The following USP29 variants were observed in gnomAD, a reference collection of about 807,000 sequenced individuals.
The protein encoded by USP29 is ubiquitin specific peptidase 29.
For missense variants in USP29, 1,102 were observed against 1,069.0 expected, an observed-to-expected ratio of 1.03 and a Z score of -0.43; for synonymous variants, 386 against 387.4, an observed-to-expected ratio of 1.00 and a Z score of 0.04.
chr19:57,126,224 G>A (rs28796125), intron 3 of USP29, among the ~76,000 whole-genome samples: 12,192 of 152,002 alleles, frequency 0.08, 535 homozygotes, highest in East Asian at 0.16. Context: ...AGAATCTGAC[G>A]ATTATGTGTC....
rs770258559 is a variant in USP29, at chr19:57,128,866, A to G, written c.191A>G (p.His64Arg). ...SNNIRSVVLR[H>R]CKKRQSHLRL... is the part of the protein sequence containing the mutation. ...AACATTAGAAGTGTGGTCCTTAGAC[A>G]TTGTAAAAAAAGACAAAGTCACCTG... The change falls in exon 4 of 4, where the codon CAT becomes CGT. Residue 64 changes from histidine to arginine, a missense_variant. Coordinates refer to ENST00000254181, the MANE Select transcript of USP29 (RefSeq NM_020903.3). The G allele has an allele frequency of 3.7e-6, 6 of 1,612,916 alleles. No individual in the cohort carries two copies. Among genetic ancestry groups the G allele is most frequent in the Admixed American group, 1.7e-5 (1 of 59,786 alleles).
chr19:57,128,814 T>C lies in USP29; in HGVS notation c.139T>C (p.Phe47Leu). 2 of 1,613,858 alleles carry C rather than the reference T, an allele frequency of 1.2e-6. No homozygotes were observed. Among genetic ancestry groups the C allele is most frequent in the Non-Finnish European group, 1.7e-6 (2 of 1,179,952 alleles). ...KLVVTFKSGK[F>L]IRIFQLSNNI... The stretch of plus-strand genomic sequence containing the variant: ...GGTGGTCACTTTCAAATCTGGAAAA[T>C]TTATAAGAATTTTTCAGCTGAGCAA... Residue 47 changes from phenylalanine (F) to leucine (L), a missense_variant, in exon 4 of 4, where the codon TTT becomes CTT. Physicochemically the swap from Phe to Leu is conservative, Grantham distance 22 (BLOSUM62 0). Coordinates refer to ENST00000254181, the MANE Select transcript of USP29 (RefSeq NM_020903.3).
Position 57,129,350 on chromosome 19 carries a change from G to A in USP29, c.675G>A (p.Gly225=), listed in dbSNP as rs781370761. The change falls in exon 4 of 4, where the codon GGG becomes GGA. Residue 225 remains glycine (G), a synonymous_variant. Transcript: ENST00000254181. ...DLEKDRDLKL[G]PSFNTNCNGN... ...AAAAAGATAGAGATTTGAAACTCGG[G>A]CCTTCATTCAATACCAACTGTAATG... 3.7e-6 allele frequency: 6 copies of A among 1,614,142 alleles called. No homozygotes were observed. Among genetic ancestry groups the A allele is most frequent in the Non-Finnish European group, 4.2e-6 (5 of 1,180,024 alleles).
In USP29 at chr19:57,129,269, T is replaced by C. The variant is rs1211373230; in HGVS notation, c.594T>C (p.Asp198=). Residue 198 remains aspartate (D), a synonymous_variant, in exon 4 of 4, where the codon GAT becomes GAC. Transcript: ENST00000254181. ...NPVPNKKYKT[D]SLKYIQSNRK... ...TACCAAACAAGAAATATAAGACAGA[T>C]TCCTTGAAATATATACAAAGCAATA... 2 of 1,613,114 alleles carry C rather than the reference T, an allele frequency of 1.2e-6. No homozygotes were observed. Among genetic ancestry groups the C allele is most frequent in the South Asian group, 1.1e-5 (1 of 90,856 alleles).
upstream of USP29, among the ~76,000 whole-genome samples, chr19:57,119,805 G>T (rs551448891): frequency 2.0e-5 from 3 of 152,208 alleles, no homozygotes; most frequent in East Asian, 3.9e-4. Flanking sequence ...AGGCTGAATG[G>T]GTAACAGGAT....
chr19:57,129,466 A>G lies in USP29; in HGVS notation c.791A>G (p.Gln264Arg). 3 of 1,614,242 alleles carry G rather than the reference A, an allele frequency of 1.9e-6. No individual in the cohort carries two copies. The highest frequency in any genetic ancestry group is 2.5e-6 in the Non-Finnish European group (3 of 1,180,040). The part of the protein sequence containing the change: ...LTSPLEPEHS[Q>R]GDPRCNKAQV... ...TCTCCATTGGAACCAGAGCACAGCC[A>G]GGGTGACCCAAGATGCAACAAAGCC... Residue 264 changes from glutamine to arginine, a missense_variant, in exon 4 of 4, where the codon CAG becomes CGG. Transcript: ENST00000254181.
chr19:57,125,644 A>G lies in USP29; in HGVS notation c.-17+1505A>G, dbSNP rs1277029423. 1.3e-5 allele frequency among the ~76,000 whole-genome samples: 2 copies of G among 151,290 alleles called. 1 individual carries two copies. The highest frequency in any genetic ancestry group is 2.9e-5 in the Non-Finnish European group (2 of 67,954). The stretch of plus-strand genomic sequence containing the variant: ...AATATTCCTCCATCCCTTTATTTTG[A>G]GCCTATGTATGTCTTTGCACATGAG... On this transcript the variant is annotated intron_variant, in intron 3 of 3. Transcript: ENST00000254181.
chr19:57,121,406 A>G (rs1248930272), intron 1 of USP29, among the ~76,000 whole-genome samples: 1 of 143,686 alleles, frequency 7.0e-6, no homozygotes, highest in African/African-American at 2.5e-5. Flanking sequence ...TATATGTTAT[A>G]CATACTTATA....
Position 57,129,062 on chromosome 19 carries a change from T to C in USP29, c.387T>C (p.Ile129=), listed in dbSNP as rs779608956. Residue 129 remains isoleucine (I), a synonymous_variant, in exon 4 of 4, where the codon ATT becomes ATC. Coordinates refer to ENST00000254181, the MANE Select transcript of USP29 (RefSeq NM_020903.3). Reference sequence around the variant, plus strand: ...AAAGCAGGAATATGCTGAAGGAAATTGACAAAACTTCATTTTACAGCATTT... The same window carrying C: ...AAAGCAGGAATATGCTGAAGGAAATCGACAAAACTTCATTTTACAGCATTT... ...VFESRNMLKE[I]DKTSFYSICN... is the part of the protein sequence containing the mutation. 6.2e-7 allele frequency: 1 copy of C among 1,612,558 alleles called. No individual in the cohort carries two copies. The highest frequency in any genetic ancestry group is 2.2e-5 in the East Asian group (1 of 44,852).
At chr19:57,121,563 TTA>T (rs1257326745) in intron 1 of USP29, among the ~76,000 whole-genome samples, 10 of 145,872 alleles carry the variant, frequency 6.9e-5, no homozygotes, top group African/African-American at 1.7e-4. Flanking sequence ...CTTATATATG[TTA>T]TATATATACT....
At chr19:57,123,908 T>C (rs2086810111) in intron 2 of USP29, 131 bp from the exon 3 acceptor site, 2 of 152,234 alleles carry the variant, frequency 1.3e-5, no homozygotes, top group Admixed American at 1.3e-4. Context: ...TAAACGACTT[T>C]GGAGGAAGGT....
Position 57,129,710 on chromosome 19 carries a change from G to A in USP29, c.1035G>A (p.Lys345=). 1.9e-6 allele frequency: 3 copies of A among 1,613,878 alleles called. No homozygotes were observed. Among genetic ancestry groups the A allele is most frequent in the Non-Finnish European group, 2.5e-6 (3 of 1,179,952 alleles). ...CTTTGAAAGATTTCTGTAGTACAAA[G>A]ATCAAGAGAGAATTACTTGGGAATG... is the stretch of plus-strand genomic sequence containing the variant. ...LLALKDFCST[K]IKRELLGNVK... The change falls in exon 4 of 4, where the codon AAG becomes AAA. Residue 345 remains lysine, a synonymous_variant. Transcript: ENST00000254181.
Position 57,120,004 on chromosome 19 carries a change from A to C in USP29, c.-493A>C, listed in dbSNP as rs1363290894. On this transcript the variant is annotated 5_prime_UTR_variant, in exon 1 of 4. Coordinates refer to ENST00000254181, the MANE Select transcript of USP29 (RefSeq NM_020903.3). ...CCCAGAACTCTTCTGTTCCCAGGAG[A>C]ATCAGGGGAGTCGGCGCCGGAAGGG... 6.6e-6 allele frequency: 1 copy of C among 152,460 alleles called. No individual in the cohort carries two copies. Among genetic ancestry groups the C allele is most frequent in the Non-Finnish European group, 1.5e-5 (1 of 68,244 alleles). The allele number at this position is 152,460 out of a possible 1,614,324, so 9.4% of individuals were successfully genotyped here.
rs1350669117 is a variant in USP29 at position 57,130,000 on chromosome 19, G to A, written c.1325G>A (p.Gly442Asp). The change falls in exon 4 of 4, where the codon GGT becomes GAT. Residue 442 changes from glycine to aspartate, a missense_variant. By Grantham distance (94) the Gly-to-Asp change is moderately conservative (BLOSUM62 -1). Transcript: ENST00000254181. ...LQLSLICKAC[G>D]HAVLKVEPNN... ...CTCTCCCTTATTTGTAAAGCTTGTGGTCATGCTGTTCTCAAGGTAGAACCT... is the reference window on the plus strand; with the variant it reads ...CTCTCCCTTATTTGTAAAGCTTGTGATCATGCTGTTCTCAAGGTAGAACCT... 6.2e-7 allele frequency: 1 copy of A among 1,614,114 alleles called. No homozygotes were observed.
In USP29 at chr19:57,129,461, C is replaced by T; in HGVS notation, c.786C>T (p.His262=). 2 of 1,614,224 alleles carry T rather than the reference C, an allele frequency of 1.2e-6. No homozygotes were observed. Among genetic ancestry groups the T allele is most frequent in the African/African-American group, 1.3e-5 (1 of 75,064 alleles). The change falls in exon 4 of 4, where the codon CAC becomes CAT. Residue 262 remains histidine (H), a synonymous_variant. Coordinates refer to ENST00000254181, the MANE Select transcript of USP29 (RefSeq NM_020903.3). ...TGACATCTCCATTGGAACCAGAGCA[C>T]AGCCAGGGTGACCCAAGATGCAACA... ...NGLTSPLEPE[H]SQGDPRCNKA...
chr19:57,123,337 G>T (rs756357450), intron 2 of USP29, among the ~76,000 whole-genome samples: 2 of 152,142 alleles, frequency 1.3e-5, no homozygotes, highest in Non-Finnish European at 2.9e-5. Flanking sequence ...TCCCATGATG[G>T]AGCCTTAATT....
upstream of USP29, among the ~76,000 whole-genome samples, chr19:57,119,779 C>T (rs2086783758): frequency 6.6e-6 from 1 of 152,112 alleles, no homozygotes; most frequent in Non-Finnish European, 1.5e-5. Flanking sequence ...CCACCTACCA[C>T]ACCCCACCTC....
upstream of USP29, chr19:57,119,129 C>T (rs1028334119): frequency 6.6e-6 from 1 of 152,264 alleles, no homozygotes; most frequent in Non-Finnish European, 1.5e-5. Flanking sequence ...ATGACTGCAC[C>T]TGGGCTTCGC....
chr19:57,129,191 A>G lies in USP29; in HGVS notation c.516A>G (p.Thr172=), dbSNP rs2146954003. ...ATCAAGGTGGGAAGGGGCAAAACACACTATCATCTGATGTACAGACAAATG... is the reference window on the plus strand; with the variant it reads ...ATCAAGGTGGGAAGGGGCAAAACACGCTATCATCTGATGTACAGACAAATG... ...LENQGGKGQN[T]LSSDVQTNED... Residue 172 remains threonine (T), a synonymous_variant, in exon 4 of 4, where the codon ACA becomes ACG. Coordinates refer to ENST00000254181, the MANE Select transcript of USP29 (RefSeq NM_020903.3). 1 of 1,613,436 alleles carries G rather than the reference A, an allele frequency of 6.2e-7. No individual in the cohort carries two copies.
Sources: gnomAD v4.1 joint callset for allele counts (sites outside exome capture counted in the v4.1 genomes callset) on GRCh38, gnomAD v4.1.1 for gene constraint, MANE v1.5 for transcripts, NCBI Gene and HGNC (gene_info 2026-07-23, HGNC 2026-07-21) for gene names.